The following PTPRS variants were observed in gnomAD, a reference collection of about 807,000 sequenced individuals.
PTPRS encodes the protein protein tyrosine phosphatase receptor type S.
Under a neutral mutation model 215.3 loss-of-function variants are expected in PTPRS, and 63 were observed. That is an observed-to-expected ratio of 0.29 (90% confidence interval 0.24 to 0.36). The LOEUF (loss-of-function observed/expected upper bound fraction) is 0.36. Ranked by LOEUF, PTPRS falls within the 10% of genes least tolerant of loss-of-function variation. The pLI is 1.00. For missense variants in PTPRS, 2,258 were observed against 2,825.8 expected (o/e 0.80, Z 4.56); for synonymous variants, 1,404 against 1,191.4 (o/e 1.18, Z -3.68).
In PTPRS at chr19:5,263,404, G is replaced by A. The variant is rs535062407; in HGVS notation, c.569-432C>T. ...TCACTAAGGAGGAGGAGCAGAAAGC[G>A]GAGAACAGGTAGGTAGGCTCTTTGG... On this transcript the variant is annotated intron_variant, in intron 5 of 37. Coordinates refer to ENST00000262963, the MANE Select transcript of PTPRS (RefSeq NM_002850.4). Among the ~76,000 whole-genome samples the A allele has an allele frequency of 6.4e-4, 97 of 152,236 alleles. 4 individuals carry two copies. In the South Asian group the frequency reaches 0.018, roughly 29 times the overall value.
intron 35 of PTPRS, among the ~76,000 whole-genome samples, chr19:5,208,757 C>A (rs1458272467): frequency 6.6e-6 from 1 of 152,134 alleles, no homozygotes; most frequent in Admixed American, 6.5e-5. Flanking sequence ...CTCATCCTCA[C>A]CACTTCTTGC....
At chr19:5,282,402 A>G (rs1368056894) in intron 2 of PTPRS, among the ~76,000 whole-genome samples, 1 of 152,162 alleles carries the variant, frequency 6.6e-6, no homozygotes, top group Non-Finnish European at 1.5e-5. Flanking sequence ...AGACACAGGA[A>G]GGACACCTCT....
intron 4 of PTPRS, 61 bp from the exon 5 acceptor site, chr19:5,265,257 G>A: frequency 1.3e-6 from 2 of 1,500,254 alleles, no homozygotes; most frequent in Non-Finnish European, 9.0e-7. Context: ...CCACTCCTGA[G>A]CCTGGGGCTC....
chr19:5,248,179 G>A (rs1410397501), intron 9 of PTPRS, among the ~76,000 whole-genome samples: 2 of 152,132 alleles, frequency 1.3e-5, no homozygotes, highest in African/African-American at 4.8e-5. Flanking sequence ...AGGCTGAGTT[G>A]TCATGGAAAC....
intron 17 of PTPRS, among the ~76,000 whole-genome samples, chr19:5,225,246 T>C (rs559141055): frequency 6.6e-6 from 1 of 151,566 alleles, no homozygotes; most frequent in Admixed American, 6.6e-5. Context: ...CACCCTGAAA[T>C]AACAACCTAG....
chr19:5,335,680 T>C (rs1356824699), intron 1 of PTPRS, among the ~76,000 whole-genome samples: 1 of 151,854 alleles, frequency 6.6e-6, no homozygotes. Context: ...CGAGATGAAA[T>C]CTGTCCCCAT....
In PTPRS at chr19:5,256,125, G is replaced by A; in HGVS notation, c.707-6C>T. The A allele has an allele frequency of 6.6e-7, 1 of 1,523,964 alleles. No individual in the cohort carries two copies. Among genetic ancestry groups the A allele is most frequent in the Non-Finnish European group, 9.1e-7 (1 of 1,101,332 alleles). 94.4% of individuals were successfully genotyped at this position (1,523,964 alleles called of 1,614,324 possible). On this transcript the variant is annotated splice_region_variant and splice_polypyrimidine_tract_variant and intron_variant, in intron 8 of 37. Coordinates refer to ENST00000262963, the MANE Select transcript of PTPRS (RefSeq NM_002850.4). ...ACACCAACCTTCTCGAAGCTCTGAG[G>A]GATGTAAAGGGGGTTTGATGCAGAA...
Position 5,274,344 on chromosome 19 carries a change from T to C in PTPRS, c.92A>G (p.Glu31Gly). ...VLLVGGCAAE[E>G]PPRFIKEPKD... ...GGGTTCTTTGATAAACCTGGGGGGCTCTGGGGATACAGTGGAAAGAAGGGG... is the reference window on the plus strand; with the variant it reads ...GGGTTCTTTGATAAACCTGGGGGGCCCTGGGGATACAGTGGAAAGAAGGGG... Residue 31 changes from glutamate (E) to glycine (G), a missense_variant and splice_region_variant, in exon 3 of 38, where the codon GAG becomes GGG. This residue lies in a region of PTPRS where 508 missense variants were observed against 799.4 expected (regional missense o/e 0.64). Coordinates refer to ENST00000262963, the MANE Select transcript of PTPRS (RefSeq NM_002850.4). 7.1e-7 allele frequency: 1 copy of C among 1,416,682 alleles called. No homozygotes were observed. Among genetic ancestry groups the C allele is most frequent in the Non-Finnish European group, 9.6e-7 (1 of 1,046,512 alleles). The allele number at this position is 1,416,682 out of a possible 1,614,324, so 87.8% of individuals were successfully genotyped here.
At chr19:5,337,699 G>A (rs1205223254) in intron 1 of PTPRS, among the ~76,000 whole-genome samples, 2 of 152,132 alleles carry the variant, frequency 1.3e-5, no homozygotes, top group Admixed American at 6.5e-5. Context: ...AAAAATGGGT[G>A]CACAGTGATG....
rs535591240 is a variant in PTPRS, at chr19:5,305,796, C to T, written c.-94-19562G>A. Among the ~76,000 whole-genome samples the T allele has an allele frequency of 1.2e-3, 173 of 139,840 alleles. 1 individual carries two copies. The highest frequency in any genetic ancestry group is 4.1e-3 in the African/African-American group (153 of 37,554). 91.7% of individuals were successfully genotyped at this position (139,840 alleles called of 152,430 possible). On this transcript the variant is annotated intron_variant, in intron 1 of 37. Transcript: ENST00000262963. ...TTTTTAAAGGCAAATTCCAATTAGC[C>T]GGGCGTGGTGGCAGGCACCTGTGGT...
At chr19:5,332,407 C>T (rs897362451) in intron 1 of PTPRS, among the ~76,000 whole-genome samples, 2 of 152,286 alleles carry the variant, frequency 1.3e-5, no homozygotes, top group South Asian at 2.1e-4. Context: ...GGATTACAGG[C>T]GTGAGCCATC....
intron 1 of PTPRS, among the ~76,000 whole-genome samples, chr19:5,297,097 C>T (rs992020139): frequency 3.9e-5 from 6 of 152,130 alleles, no homozygotes; most frequent in African/African-American, 7.2e-5. Flanking sequence ...CTGATTGCCC[C>T]GCCTACTCCG....
chr19:5,323,882 G>A (rs1424635595), intron 1 of PTPRS, among the ~76,000 whole-genome samples: 3 of 152,190 alleles, frequency 2.0e-5, no homozygotes, highest in Non-Finnish European at 4.4e-5. Flanking sequence ...TGACCGTGTT[G>A]GTCCAGGTGA....
chr19:5,326,054 A>G (rs1184131473), intron 1 of PTPRS, among the ~76,000 whole-genome samples: 1 of 152,168 alleles, frequency 6.6e-6, no homozygotes, highest in Non-Finnish European at 1.5e-5. Flanking sequence ...AACATGGTGA[A>G]ACGCTGTCAC....
Position 5,243,983 on chromosome 19 carries a change from G to T in PTPRS, c.1488C>A (p.Thr496=). Residue 496 remains threonine, a synonymous_variant, in exon 11 of 38, where the codon ACC becomes ACA. Coordinates refer to ENST00000262963, the MANE Select transcript of PTPRS (RefSeq NM_002850.4). The part of the protein sequence containing the change: ...TTVGSLLEDE[T]YTVRVLAFTS... ...TGAAGGCGAGCACCCGCACGGTGTA[G>T]GTCTCGTCCTCCAGCAGGCTGCCCA... The T allele has an allele frequency of 6.2e-7, 1 of 1,603,332 alleles. No homozygotes were observed.
intron 1 of PTPRS, among the ~76,000 whole-genome samples, chr19:5,318,602 C>T (rs1426702714): frequency 6.6e-6 from 1 of 152,080 alleles, no homozygotes; most frequent in Admixed American, 6.6e-5. Context: ...GTTCACACCA[C>T]CTGAGAAGCA....
At chr19:5,241,898 C>CGATCTCA (rs2044070747) in intron 11 of PTPRS, among the ~76,000 whole-genome samples, 1 of 152,006 alleles carries the variant, frequency 6.6e-6, no homozygotes, top group Admixed American at 6.5e-5. Flanking sequence ...TGCAGTGGCA[C>CGATCTCA]GATCTCAGCT....
intron 4 of PTPRS, among the ~76,000 whole-genome samples, chr19:5,265,683 C>T (rs1265871353): frequency 1.3e-5 from 2 of 151,750 alleles, no homozygotes; most frequent in East Asian, 3.9e-4. Context: ...TGTCAGGGAG[C>T]TGAGCCAGGT....
At position 5,229,356 on chromosome 19, in the gene PTPRS, G is replaced by C; in HGVS notation, c.2350-14C>G. The C allele has an allele frequency of 7.3e-7, 1 of 1,377,240 alleles. No individual in the cohort carries two copies. The highest frequency in any genetic ancestry group is 9.4e-7 in the Non-Finnish European group (1 of 1,060,344). 85.3% of individuals were successfully genotyped at this position (1,377,240 alleles called of 1,614,324 possible). ...ATCCGTCTCCCACTGAGCGCGGGAG[G>C]AGGCGGCAGGGGAGAGAGGAGGAAG... On this transcript the variant is annotated splice_polypyrimidine_tract_variant and intron_variant, in intron 15 of 37. Coordinates refer to ENST00000262963, the MANE Select transcript of PTPRS (RefSeq NM_002850.4).
Sources: gnomAD v4.1 joint callset for allele counts (sites outside exome capture counted in the v4.1 genomes callset) on GRCh38, gnomAD v4.1.1 for gene constraint, gnomAD v4.1.1 regional missense constraint, MANE v1.5 for transcripts, NCBI Gene and HGNC (gene_info 2026-07-23, HGNC 2026-07-21) for gene names.